The following SGCZ variants were observed in gnomAD, a reference collection of about 807,000 sequenced individuals.
SGCZ encodes the protein sarcoglycan zeta.
In SGCZ, 40 loss-of-function variants were observed where a neutral mutation model predicts 41.3. The ratio of observed to expected loss-of-function variants is 0.97; its 90% confidence interval spans 0.75 to 1.26. The LOEUF (loss-of-function observed/expected upper bound fraction) is 1.26, where lower values mean the gene tolerates loss of function less well. Ranked by LOEUF, SGCZ falls within the 50% of genes most tolerant of loss-of-function variation. SGCZ has a pLI of 0.00. For missense variants in SGCZ, 552 were observed against 369.8 expected (o/e 1.49, Z -4.04); for synonymous variants, 206 against 137.5 (o/e 1.50, Z -3.49).
At chr8:14,554,147 G>A (rs1167534337) in intron 2 of SGCZ, among the ~76,000 whole-genome samples, 1 of 151,990 alleles carries the variant, frequency 6.6e-6, no homozygotes, top group Non-Finnish European at 1.5e-5. Flanking sequence ...ATAAAAGAGT[G>A]ATTTAATTGC....
At chr8:14,241,381 T>C (rs950629991) in intron 3 of SGCZ, among the ~76,000 whole-genome samples, 2 of 149,970 alleles carry the variant, frequency 1.3e-5, no homozygotes, top group Non-Finnish European at 3.0e-5. Flanking sequence ...AGTTAATATA[T>C]TGCATGATAC....
intron 1 of SGCZ, among the ~76,000 whole-genome samples, chr8:14,921,945 C>T (rs1053326691): frequency 6.6e-6 from 1 of 151,980 alleles, no homozygotes; most frequent in African/African-American, 2.4e-5. Flanking sequence ...TGAAAACGTG[C>T]TTTATATAAT....
chr8:14,671,097 T>C (rs1808087074), intron 1 of SGCZ, among the ~76,000 whole-genome samples: 3 of 152,220 alleles, frequency 2.0e-5, no homozygotes, highest in Admixed American at 6.5e-5. Flanking sequence ...TCTGGATTTA[T>C]ATATGTAATA....
At chr8:14,401,513 C>T (rs1799075373) in intron 2 of SGCZ, among the ~76,000 whole-genome samples, 1 of 146,012 alleles carries the variant, frequency 6.8e-6, no homozygotes, top group South Asian at 2.2e-4. Flanking sequence ...GTTCAGTTCC[C>T]ACCTGTGAGT....
intron 1 of SGCZ, among the ~76,000 whole-genome samples, chr8:14,754,022 GAA>G (rs375607697): frequency 6.6e-6 from 1 of 151,076 alleles, no homozygotes; most frequent in South Asian, 2.1e-4. Context: ...TCTCATATAG[GAA>G]AAAAAAAGTT....
At chr8:14,151,443 A>T (rs1296745206) in intron 5 of SGCZ, among the ~76,000 whole-genome samples, 1 of 147,970 alleles carries the variant, frequency 6.8e-6, no homozygotes, top group Non-Finnish European at 1.5e-5. Context: ...ACCAAAAAAA[A>T]ACTAAGTAAG....
At chr8:14,361,096 T>C (rs542914034) in intron 2 of SGCZ, among the ~76,000 whole-genome samples, 1 of 152,360 alleles carries the variant, frequency 6.6e-6, no homozygotes, top group South Asian at 2.1e-4. Context: ...TTTAGTAAAA[T>C]GTCTCTTCAT....
chr8:14,278,431 G>C (rs1057155322), intron 3 of SGCZ, among the ~76,000 whole-genome samples: 3 of 152,030 alleles, frequency 2.0e-5, no homozygotes, highest in Non-Finnish European at 4.4e-5. Flanking sequence ...AAATAATTTA[G>C]TCAAATTACA....
intron 1 of SGCZ, among the ~76,000 whole-genome samples, chr8:14,957,616 T>C (rs1800833343): frequency 6.6e-6 from 1 of 152,066 alleles, no homozygotes; most frequent in African/African-American, 2.4e-5. Flanking sequence ...CAAGATTTCT[T>C]ATTATATGGT....
chr8:14,608,577 G>A (rs1161098143), intron 1 of SGCZ, among the ~76,000 whole-genome samples: 1 of 152,080 alleles, frequency 6.6e-6, no homozygotes, highest in African/African-American at 2.4e-5. Flanking sequence ...CCGTGGGGAA[G>A]GCAAGAACTA....
At chr8:14,467,037 G>C (rs913133947) in intron 2 of SGCZ, among the ~76,000 whole-genome samples, 3 of 150,810 alleles carry the variant, frequency 2.0e-5, no homozygotes, top group Non-Finnish European at 4.4e-5. Flanking sequence ...TCACTTCCTC[G>C]GGTTTTACTG....
At chr8:14,263,473 C>A (rs555401194) in intron 3 of SGCZ, among the ~76,000 whole-genome samples, 2 of 152,044 alleles carry the variant, frequency 1.3e-5, no homozygotes, top group Non-Finnish European at 2.9e-5. Flanking sequence ...CACTTGAACC[C>A]AGGAGGCGGA....
intron 4 of SGCZ, among the ~76,000 whole-genome samples, chr8:14,219,072 TG>T (rs1806099330): frequency 6.6e-6 from 1 of 152,172 alleles, no homozygotes; most frequent in Admixed American, 6.5e-5. Context: ...AAAACAAAAT[TG>T]TTCTTTTGAA....
chr8:14,697,986 T>C (rs566247702), intron 1 of SGCZ, among the ~76,000 whole-genome samples: 283 of 152,184 alleles, frequency 1.9e-3, no homozygotes, highest in Middle Eastern at 3.4e-3. Context: ...GTTGAACGTT[T>C]AGTCTGCTTC....
chr8:14,671,300 T>A (rs895027592), intron 1 of SGCZ, among the ~76,000 whole-genome samples: 2 of 152,184 alleles, frequency 1.3e-5, no homozygotes, highest in Non-Finnish European at 2.9e-5. Flanking sequence ...CATTTCATAA[T>A]TGGGCTTCAA....
chr8:14,827,044 C>T (rs1802352200), intron 1 of SGCZ, among the ~76,000 whole-genome samples: 1 of 151,778 alleles, frequency 6.6e-6, no homozygotes, highest in South Asian at 2.1e-4. Context: ...CCTCGGTTTT[C>T]TTCTAGGGTT....
At chr8:14,203,263 T>C (rs555715131) in intron 4 of SGCZ, among the ~76,000 whole-genome samples, 22 of 152,226 alleles carry the variant, frequency 1.4e-4, no homozygotes, top group Non-Finnish European at 3.1e-4. Context: ...ATTAAATAGA[T>C]GCTATTTGAA....
chr8:14,117,417 TGTG>T (rs1802557622), intron 5 of SGCZ, among the ~76,000 whole-genome samples: 1 of 99,738 alleles, frequency 1.0e-5, no homozygotes, highest in African/African-American at 3.5e-5. Context: ...TCTGTGTGTG[TGTG>T]TGTGTGTGTG....
At chr8:14,602,722 A>T (rs1413338848) in intron 1 of SGCZ, among the ~76,000 whole-genome samples, 1 of 152,048 alleles carries the variant, frequency 6.6e-6, no homozygotes, top group African/African-American at 2.4e-5. Flanking sequence ...GTTATTCTAT[A>T]CTGTCGTTGT....
Sources: gnomAD v4.1 joint callset for allele counts (sites outside exome capture counted in the v4.1 genomes callset) on GRCh38, gnomAD v4.1.1 for gene constraint, MANE v1.5 for transcripts, NCBI Gene and HGNC (gene_info 2026-07-23, HGNC 2026-07-21) for gene names.